The following CPVL variants were observed in gnomAD, a reference collection of about 807,000 sequenced individuals.
The protein encoded by CPVL is probable serine carboxypeptidase CPVL.
A neutral mutation model predicts 63.7 loss-of-function variants in CPVL; 51 were observed. That is an observed-to-expected ratio of 0.80 (90% CI 0.64 to 1.01). The LOEUF (loss-of-function observed/expected upper bound fraction) is 1.01. CPVL is among the 50% of genes least tolerant of loss of function. CPVL has a pLI of 0.00. For synonymous variants in CPVL, 195 were observed against 206.0 expected, an observed-to-expected ratio of 0.95 and a Z score of 0.46; for missense variants, 530 against 573.1, an observed-to-expected ratio of 0.92 and a Z score of 0.77.
upstream of CPVL, chr7:29,146,975 A>C (rs1469543541): frequency 3.2e-6 from 5 of 1,550,916 alleles, no homozygotes; most frequent in Admixed American, 3.9e-5. Context: ...GCTCGCACCA[A>C]GTGCCACTGT....
At position 29,096,114 on chromosome 7, in the gene CPVL, C is replaced by G. The variant is rs1372878783; in HGVS notation, c.392G>C (p.Ser131Thr). ...FVEHGPYVVT[S>T]NMTLRDRDFP... is the part of the protein sequence containing the mutation. ...CAAGGGATACTTACAGGTCATGTTA[C>G]TTGTGACAACATAAGGCCCATGTTC... The change falls in exon 4 of 13, where the codon AGT (serine) becomes ACT (threonine). Residue 131 changes from serine to threonine, a missense_variant. By Grantham distance (58) the Ser-to-Thr change is moderately conservative. Coordinates refer to ENST00000265394, the MANE Select transcript of CPVL (RefSeq NM_031311.5). 6.2e-7 allele frequency: 1 copy of G among 1,613,258 alleles called. No individual in the cohort carries two copies. Among genetic ancestry groups the G allele is most frequent in the Non-Finnish European group, 8.5e-7 (1 of 1,179,300 alleles).
intron 3 of CPVL, among the ~76,000 whole-genome samples, chr7:29,103,411 A>AT (rs551627609): frequency 0.21 from 28,667 of 134,478 alleles, 3,435 homozygotes; most frequent in South Asian, 0.26. Context: ...ATGCTCAGCT[A>AT]TTTTTTTTTT....
chr7:29,162,761 A>G (rs1257765441), intron 5 of CPVL, among the ~76,000 whole-genome samples: 1 of 152,196 alleles, frequency 6.6e-6, no homozygotes, highest in Non-Finnish European at 1.5e-5. Context: ...TCTTAAAATG[A>G]CAAAGTTGCA....
intron 2 of CPVL, among the ~76,000 whole-genome samples, chr7:29,116,629 CAAGTT>C (rs1378935913): frequency 6.6e-6 from 1 of 152,206 alleles, no homozygotes; most frequent in Non-Finnish European, 1.5e-5. Flanking sequence ...CACAAACACT[CAAGTT>C]ATCACCAGTG....
At chr7:29,128,973 T>C (rs1295797809) in intron 1 of CPVL, among the ~76,000 whole-genome samples, 1 of 152,144 alleles carries the variant, frequency 6.6e-6, no homozygotes, top group Non-Finnish European at 1.5e-5. Context: ...GCAGAGCTCC[T>C]AGAGTCTTAT....
intron 7 of CPVL, chr7:29,080,396 A>G: frequency 6.6e-6 from 1 of 152,014 alleles, no homozygotes; most frequent in East Asian, 1.9e-4. Flanking sequence ...CATCTCTACT[A>G]AAAATACAAA....
At chr7:29,126,430 A>G (rs1355627210) in intron 1 of CPVL, 1 of 152,216 alleles carries the variant, frequency 6.6e-6, no homozygotes, top group Non-Finnish European at 1.5e-5. Flanking sequence ...TCCAATTCCA[A>G]TCGACCTGAC....
Position 29,116,123 on chromosome 7 carries a change from G to A in CPVL, c.170-3301C>T, listed in dbSNP as rs575502278. ...AATGAATGTTAACAAATGAATGGAT[G>A]AACAAGTCAATAAATGAATGAACTA... On this transcript the variant is annotated intron_variant, in intron 2 of 12. Transcript: ENST00000265394. Among the ~76,000 whole-genome samples, 663 of 152,224 alleles carry A rather than the reference G, an allele frequency of 4.4e-3. 4 individuals carry two copies. The highest frequency in any genetic ancestry group is 0.015 in the African/African-American group (634 of 41,534).
intron 2 of CPVL, among the ~76,000 whole-genome samples, chr7:29,113,288 C>A (rs1410057837): frequency 6.6e-6 from 1 of 151,948 alleles, no homozygotes; most frequent in African/African-American, 2.4e-5. Flanking sequence ...CTCTTGTTTT[C>A]ATGAAGGCAA....
upstream of CPVL, among the ~76,000 whole-genome samples, chr7:29,150,752 G>A (rs1443277063): frequency 6.6e-6 from 1 of 152,146 alleles, no homozygotes; most frequent in Non-Finnish European, 1.5e-5. Context: ...GGCTTCTATA[G>A]CCATTGTTCC....
intron 11 of CPVL, among the ~76,000 whole-genome samples, chr7:29,031,624 T>A: frequency 6.6e-6 from 1 of 152,176 alleles, no homozygotes; most frequent in African/African-American, 2.4e-5. Context: ...CTTGTCCCAG[T>A]AATTTCAACT....
intron 12 of CPVL, among the ~76,000 whole-genome samples, chr7:29,027,998 G>A (rs1787662978): frequency 6.6e-6 from 1 of 152,020 alleles, no homozygotes; most frequent in Non-Finnish European, 1.5e-5. Context: ...GCAATACTGA[G>A]CAAAAAGAAC....
intron 12 of CPVL, chr7:29,009,628 A>G (rs964689393): frequency 2.0e-5 from 3 of 152,244 alleles, no homozygotes; most frequent in Admixed American, 6.5e-5. Flanking sequence ...TAGCAAAAGT[A>G]TGTTTTTGCA....
chr7:29,164,189 A>G (rs1327720198), intron 5 of CPVL, among the ~76,000 whole-genome samples: 5 of 152,324 alleles, frequency 3.3e-5, no homozygotes, highest in South Asian at 2.1e-4. Context: ...GATTATTGCC[A>G]TCATGCTAGG....
chr7:29,064,338 G>A (rs1006222607), intron 10 of CPVL, 104 bp from the exon 11 acceptor site: 4 of 624,792 alleles, frequency 6.4e-6, no homozygotes, highest in Admixed American at 3.1e-5. Flanking sequence ...ATGGAGAAAC[G>A]TGACGGGACT....
chr7:29,036,289 T>G (rs1788518037), intron 11 of CPVL, among the ~76,000 whole-genome samples: 2 of 152,182 alleles, frequency 1.3e-5, no homozygotes, highest in South Asian at 4.1e-4. Flanking sequence ...TAACGAGAAC[T>G]AATGAGACCA....
intron 9 of CPVL, among the ~76,000 whole-genome samples, chr7:29,066,961 T>C (rs1157757361): frequency 6.6e-6 from 1 of 152,162 alleles, no homozygotes; most frequent in Non-Finnish European, 1.5e-5. Flanking sequence ...TGACTGACCC[T>C]GGGTTGAAGA....
intron 11 of CPVL, among the ~76,000 whole-genome samples, chr7:29,030,993 G>C (rs1451474621): frequency 6.6e-6 from 1 of 152,158 alleles, no homozygotes; most frequent in African/African-American, 2.4e-5. Context: ...AAAAACATTT[G>C]TGTTGTATTA....
intron 12 of CPVL, among the ~76,000 whole-genome samples, chr7:28,996,549 C>CAAAAAAAAA (rs549584191): frequency 3.5e-5 from 4 of 113,596 alleles, no homozygotes; most frequent in Non-Finnish European, 5.9e-5. Flanking sequence ...AACCAAAAAA[C>CAAAAAAAAA]AAAAAAAAAA....
Sources: allele counts gnomAD v4.1 joint callset (sites outside exome capture counted in the v4.1 genomes callset), GRCh38; gene constraint gnomAD v4.1.1; transcripts MANE v1.5; gene names NCBI Gene and HGNC (gene_info 2026-07-23, HGNC 2026-07-21).